Variants in TJP2 observed in about 807,000 individuals in gnomAD.
The protein encoded by TJP2 is Friedreich ataxia region gene X104 (tight junction protein ZO-2).
In TJP2, 91 loss-of-function variants were observed where a neutral mutation model predicts 133.1. That is an observed-to-expected ratio of 0.68 (90% CI 0.58 to 0.81). The LOEUF (loss-of-function observed/expected upper bound fraction) is 0.81. Ranked by LOEUF, TJP2 falls within the 40% of genes least tolerant of loss-of-function variation. TJP2 has a pLI of 0.00. For missense variants in TJP2, 1,541 were observed against 1,565.6 expected (o/e 0.98, Z 0.26); for synonymous variants, 592 against 583.4 (o/e 1.01, Z -0.21).
At chr9:69,131,837 G>A (rs1043574763) in intron 1 of TJP2, among the ~76,000 whole-genome samples, 2 of 152,132 alleles carry the variant, frequency 1.3e-5, no homozygotes, top group African/African-American at 4.8e-5. Context: ...TCACAACCCT[G>A]CATCTGTGGA....
At chr9:69,146,939 AT>A (rs1249315657) in intron 1 of TJP2, among the ~76,000 whole-genome samples, 13 of 152,236 alleles carry the variant, frequency 8.5e-5, no homozygotes, top group African/African-American at 1.2e-4. Flanking sequence ...TTAGAAAAAA[AT>A]AAATATTTCT....
intron 2 of TJP2, among the ~76,000 whole-genome samples, chr9:69,153,363 G>C (rs1378263323): frequency 6.6e-6 from 1 of 152,056 alleles, no homozygotes; most frequent in Non-Finnish European, 1.5e-5. Flanking sequence ...TGGAAGGATG[G>C]CTTGAGCCCA....
chr9:69,234,411 T>G, intron 11 of TJP2, 28 bp from the exon 12 acceptor site: 2 of 1,422,558 alleles, frequency 1.4e-6, no homozygotes, highest in African/African-American at 1.5e-5. Flanking sequence ...TTTTTTTTTT[T>G]TCTTTTTCTG....
rs1235240120 is a variant in TJP2 at position 69,228,167 on chromosome 9, C to T, written c.1453+53C>T. Reference sequence around the variant, plus strand: ...ACAGTTGTGTTCAGAAGTGTGTGCTCACACAGCCATAACAAAGAGTGAAAT... The same window carrying T: ...ACAGTTGTGTTCAGAAGTGTGTGCTTACACAGCCATAACAAAGAGTGAAAT... On this transcript the variant is annotated intron_variant, in intron 9 of 22. Coordinates refer to ENST00000377245, the MANE Select transcript of TJP2 (RefSeq NM_004817.4). The T allele has an allele frequency of 8.3e-6, 13 of 1,560,064 alleles. No individual in the cohort carries two copies. The South Asian group carries it at 9.4e-5, about 11-fold the overall frequency.
At chr9:69,248,742 G>C in intron 19 of TJP2, 9 of 997,164 alleles carry the variant, frequency 9.0e-6, no homozygotes, top group Non-Finnish European at 1.1e-5. Flanking sequence ...CACATGTACT[G>C]TGCATCCACT....
At chr9:69,202,087 G>A (rs1175114920) in intron 1 of TJP2, among the ~76,000 whole-genome samples, 2 of 152,108 alleles carry the variant, frequency 1.3e-5, no homozygotes, top group African/African-American at 4.8e-5. Flanking sequence ...CTGTAACTGG[G>A]AAGTTTATAA....
At chr9:69,162,196 A>T (rs944870628) in intron 2 of TJP2, among the ~76,000 whole-genome samples, 2 of 148,262 alleles carry the variant, frequency 1.3e-5, no homozygotes, top group African/African-American at 4.9e-5. Flanking sequence ...TGTATTATAT[A>T]TTATATATAA....
At chr9:69,145,494 C>A in intron 1 of TJP2, 1 of 353,154 alleles carries the variant, frequency 2.8e-6, no homozygotes, top group Non-Finnish European at 5.1e-6. Flanking sequence ...AATTATTTAG[C>A]CTTGTATAAT....
Position 69,240,081 on chromosome 9 carries a change from A to G in TJP2, c.2500A>G (p.Lys834Glu). The G allele has an allele frequency of 6.2e-7, 1 of 1,614,206 alleles. No individual in the cohort carries two copies. The change falls in exon 17 of 23, where the codon AAA becomes GAA. Residue 834 changes from lysine to glutamate, a missense_variant. Physicochemically the swap from Lys to Glu is moderately conservative, Grantham distance 56. Coordinates refer to ENST00000377245, the MANE Select transcript of TJP2 (RefSeq NM_004817.4). Reference sequence around the variant, plus strand: ...ACAAAGGTTAAATCCAACGTCCAACAAAAGTTCTCGAAAGTTATTTGATCA... The same window carrying G: ...ACAAAGGTTAAATCCAACGTCCAACGAAAGTTCTCGAAAGTTATTTGATCA... ...MRQRLNPTSNKSSRKLFDQAN... is the reference protein window; with the variant it reads ...MRQRLNPTSNESSRKLFDQAN...
rs1830242670 is a variant in TJP2, at chr9:69,237,053, T to C, written c.2096T>C (p.Leu699Pro). Residue 699 changes from leucine (L) to proline (P), a missense_variant, in exon 14 of 23, where the codon CTG becomes CCG. Transcript: ENST00000377245. Reference sequence around the variant, plus strand: ...CAGAGGTCTGGGGTGAAGAAGAACCTGAGGAAAAGTCGGGAAGACCTCACA... The same window carrying C: ...CAGAGGTCTGGGGTGAAGAAGAACCCGAGGAAAAGTCGGGAAGACCTCACA... ...RGQRSGVKKN[L>P]RKSREDLTAV... 1 of 1,614,016 alleles carries C rather than the reference T, an allele frequency of 6.2e-7. No homozygotes were observed. Among genetic ancestry groups the C allele is most frequent in the Non-Finnish European group, 8.5e-7 (1 of 1,180,038 alleles).
At chr9:69,230,279 CA>C in intron 11 of TJP2, 47 bp downstream of exon 11, 1 of 1,611,512 alleles carries the variant, frequency 6.2e-7, no homozygotes, top group Non-Finnish European at 8.5e-7. Flanking sequence ...GTAAGGAGTG[CA>C]CTTTTCTGGG....
At chr9:69,158,284 C>T (rs187964245) in intron 2 of TJP2, among the ~76,000 whole-genome samples, 44 of 135,918 alleles carry the variant, frequency 3.2e-4, no homozygotes, top group Admixed American at 2.9e-3. Context: ...GCCTAGATGG[C>T]GCCACTGCAC....
Position 69,254,524 on chromosome 9 carries a change from G to C in TJP2, c.*150G>C. 1 of 988,310 alleles carries C rather than the reference G, an allele frequency of 1.0e-6. No individual in the cohort carries two copies. Among genetic ancestry groups the C allele is most frequent in the Non-Finnish European group, 1.5e-6 (1 of 649,402 alleles). The allele number at this position is 988,310 out of a possible 1,614,324, so 61.2% of individuals were successfully genotyped here. A position where few individuals can be genotyped will look rare whatever the true frequency, so the allele number is the denominator to read the frequency against. Reference sequence around the variant, plus strand: ...GTGTGTCCTCATGGAGAACCCAGGGGACAGCTGGTGCAAATTCAGAACTGA... The same window carrying C: ...GTGTGTCCTCATGGAGAACCCAGGGCACAGCTGGTGCAAATTCAGAACTGA... On this transcript the variant is annotated 3_prime_UTR_variant, in exon 23 of 23. Transcript: ENST00000377245.
chr9:69,222,295 G>A (rs925055540), intron 5 of TJP2, among the ~76,000 whole-genome samples: 2 of 151,602 alleles, frequency 1.3e-5, no homozygotes, highest in African/African-American at 4.9e-5. Context: ...TCCTGCCTCA[G>A]TCTCCGAAGT....
chr9:69,168,923 G>A (rs944727208), intron 2 of TJP2, among the ~76,000 whole-genome samples: 1 of 152,140 alleles, frequency 6.6e-6, no homozygotes, highest in African/African-American at 2.4e-5. Context: ...TGAGTGGGGT[G>A]ATTATTGTGG....
At chr9:69,143,346 G>A (rs1240248239) in intron 1 of TJP2, among the ~76,000 whole-genome samples, 1 of 152,148 alleles carries the variant, frequency 6.6e-6, no homozygotes, top group Admixed American at 6.5e-5. Flanking sequence ...TTTTCTTGTT[G>A]TTAGCTCAGG....
chr9:69,158,119 C>G (rs563977478), intron 2 of TJP2, among the ~76,000 whole-genome samples: 63 of 151,706 alleles, frequency 4.2e-4, no homozygotes, highest in Non-Finnish European at 7.7e-4. Context: ...TCCAGACCAG[C>G]CTGACCAACA....
chr9:69,244,678 C>T (rs1830805332), intron 17 of TJP2, among the ~76,000 whole-genome samples: 1 of 152,186 alleles, frequency 6.6e-6, no homozygotes, highest in African/African-American at 2.4e-5. Flanking sequence ...GTACTTAATT[C>T]AGCAGAGTCA....
chr9:69,150,287 TTTTTC>T (rs1823407257), intron 1 of TJP2, among the ~76,000 whole-genome samples: 2 of 151,908 alleles, frequency 1.3e-5, no homozygotes, highest in Non-Finnish European at 2.9e-5. Flanking sequence ...ATAAAAAATT[TTTTTC>T]TTTTCTTTTT....
Sources: gnomAD v4.1 joint callset for allele counts (sites outside exome capture counted in the v4.1 genomes callset) on GRCh38, gnomAD v4.1.1 for gene constraint, MANE v1.5 for transcripts, NCBI Gene and HGNC (gene_info 2026-07-23, HGNC 2026-07-21) for gene names.